SH3GL2: variants seen among roughly 807,000 people sequenced by gnomAD.
SH3GL2 encodes the protein endophilin-A1.
A neutral mutation model predicts 46.0 loss-of-function variants in SH3GL2; 24 were observed. The ratio of observed to expected loss-of-function variants is 0.52; its 90% CI spans 0.38 to 0.73. The LOEUF (loss-of-function observed/expected upper bound fraction) is 0.73, where lower values mean the gene tolerates loss of function less well. SH3GL2 is among the 30% of genes least tolerant of loss of function. The pLI is 0.00. For missense variants in SH3GL2, 413 were observed against 424.2 expected (o/e 0.97, Z 0.23); for synonymous variants, 196 against 147.1 (o/e 1.33, Z -2.40).
At chr9:17,721,969 G>GAGGTT (rs1221040291) in intron 1 of SH3GL2, among the ~76,000 whole-genome samples, 4 of 152,124 alleles carry the variant, frequency 2.6e-5, no homozygotes, top group Middle Eastern at 3.2e-3. Context: ...GAGGTGAGGT[G>GAGGTT]AGGTTGATAG....
chr9:17,597,439 C>A (rs1818595009), intron 1 of SH3GL2, among the ~76,000 whole-genome samples: 1 of 151,968 alleles, frequency 6.6e-6, no homozygotes, highest in Non-Finnish European at 1.5e-5. Flanking sequence ...ATCGCTTTAA[C>A]CCAGGAGGTG....
At chr9:17,726,121 G>A (rs1822014471) in intron 1 of SH3GL2, among the ~76,000 whole-genome samples, 1 of 152,084 alleles carries the variant, frequency 6.6e-6, no homozygotes, top group South Asian at 2.1e-4. Context: ...TGTTTCTTTA[G>A]TTTGTTTTAA....
At chr9:17,652,828 G>A (rs1819986986) in intron 1 of SH3GL2, among the ~76,000 whole-genome samples, 1 of 152,158 alleles carries the variant, frequency 6.6e-6, no homozygotes, top group African/African-American at 2.4e-5. Context: ...AGTTGAATTT[G>A]TTATTCTAGT....
intron 1 of SH3GL2, among the ~76,000 whole-genome samples, chr9:17,726,315 A>G (rs1178979260): frequency 1.3e-5 from 2 of 151,914 alleles, no homozygotes; most frequent in Non-Finnish European, 2.9e-5. Flanking sequence ...TCAGGCTGCG[A>G]CCTCTTATAT....
At chr9:17,749,208 C>T (rs1315072596) in intron 2 of SH3GL2, among the ~76,000 whole-genome samples, 1 of 152,206 alleles carries the variant, frequency 6.6e-6, no homozygotes, top group East Asian at 1.9e-4. Flanking sequence ...ACCTGATCCT[C>T]AACCAAAGCT....
chr9:17,720,337 C>T (rs1422672065), intron 1 of SH3GL2, among the ~76,000 whole-genome samples: 1 of 152,072 alleles, frequency 6.6e-6, no homozygotes, highest in Non-Finnish European at 1.5e-5. Context: ...TAACAGAGTT[C>T]GACTGAGCAA....
At chr9:17,592,795 G>C (rs571573789) in intron 1 of SH3GL2, among the ~76,000 whole-genome samples, 2 of 152,148 alleles carry the variant, frequency 1.3e-5, no homozygotes, top group African/African-American at 4.8e-5. Context: ...TCTCTGCTAC[G>C]AGATGACCAG....
At chr9:17,586,295 A>G (rs1258934417) in intron 1 of SH3GL2, among the ~76,000 whole-genome samples, 1 of 152,210 alleles carries the variant, frequency 6.6e-6, no homozygotes, top group Non-Finnish European at 1.5e-5. Flanking sequence ...CTCGTGAAGA[A>G]CCCACAGCTC....
rs927493126 is a variant in SH3GL2 at position 17,755,797 on chromosome 9, A to G, written c.115-5640A>G. The stretch of plus-strand genomic sequence containing the variant: ...CGCTGTTCACGAGTCCTTACACCTA[A>G]GTTCAGGAAATACCAACTTTTCTTC... On this transcript the variant is annotated intron_variant, in intron 2 of 8. Coordinates refer to ENST00000380607, the MANE Select transcript of SH3GL2 (RefSeq NM_003026.5). 28 of 984,614 alleles carry G rather than the reference A, an allele frequency of 2.8e-5. No individual in the cohort carries two copies. In the African/African-American group the frequency reaches 4.0e-4, roughly 14 times the overall value. 61.0% of individuals were successfully genotyped at this position (984,614 alleles called of 1,614,324 possible). A position where few individuals can be genotyped will look rare whatever the true frequency, so the allele number is the denominator to read the frequency against.
In SH3GL2 at chr9:17,797,083, A is replaced by T. The variant is rs964860485; in HGVS notation, c.*1340A>T. On this transcript the variant is annotated 3_prime_UTR_variant, in exon 9 of 9. Coordinates refer to ENST00000380607, the MANE Select transcript of SH3GL2 (RefSeq NM_003026.5). ...TGCTTAATGTATAAACTCTCACCAC[A>T]GGAAGCATCGCTGTTTCCAATAAAT... 1 of 152,660 alleles carries T rather than the reference A, an allele frequency of 6.6e-6. No homozygotes were observed. The highest frequency in any genetic ancestry group is 1.5e-5 in the Non-Finnish European group (1 of 68,040). The allele number at this position is 152,660 out of a possible 1,614,324, so 9.5% of individuals were successfully genotyped here.
chr9:17,608,147 CT>C lies in SH3GL2; in HGVS notation c.45+28878del, dbSNP rs58474566. 3.5e-3 allele frequency among the ~76,000 whole-genome samples: 418 copies of C among 120,324 alleles called. 7 individuals carry two copies. In the East Asian group the frequency reaches 0.075, roughly 22 times the overall value. 78.9% of individuals were successfully genotyped at this position (120,324 alleles called of 152,430 possible). The stretch of plus-strand genomic sequence containing the variant: ...GAATTTAGAATTTGTAAGCTTTCCT[CT>C]TTTTTTTTTTTTTTTTTGAGATGGA... On this transcript the variant is annotated intron_variant, in intron 1 of 8. Coordinates refer to ENST00000380607, the MANE Select transcript of SH3GL2 (RefSeq NM_003026.5).
At chr9:17,775,693 G>A (rs974862316) in intron 3 of SH3GL2, among the ~76,000 whole-genome samples, 1 of 152,134 alleles carries the variant, frequency 6.6e-6, no homozygotes. Flanking sequence ...GATGACAAAG[G>A]AATTAGGTCA....
intron 1 of SH3GL2, among the ~76,000 whole-genome samples, chr9:17,731,311 G>A (rs993726437): frequency 5.9e-5 from 9 of 152,070 alleles, no homozygotes; most frequent in Middle Eastern, 3.4e-3. Context: ...TGGGGCCCTT[G>A]GGAGGTGTTT....
At chr9:17,692,147 A>G (rs186954649) in intron 1 of SH3GL2, among the ~76,000 whole-genome samples, 1 of 152,236 alleles carries the variant, frequency 6.6e-6, no homozygotes, top group East Asian at 1.9e-4. Flanking sequence ...GTACATCTAT[A>G]TAGTGGAATA....
intron 1 of SH3GL2, among the ~76,000 whole-genome samples, chr9:17,660,860 T>C (rs552883564): frequency 7.9e-5 from 12 of 152,254 alleles, no homozygotes; most frequent in African/African-American, 2.9e-4. Flanking sequence ...AATTACAAAG[T>C]GGCTTAAAAT....
At chr9:17,710,044 AC>A (rs886883301) in intron 1 of SH3GL2, among the ~76,000 whole-genome samples, 1 of 151,880 alleles carries the variant, frequency 6.6e-6, no homozygotes, top group Non-Finnish European at 1.5e-5. Flanking sequence ...TCTGGGAAGG[AC>A]TTGCTATGTT....
chr9:17,743,639 C>T (rs75140441), intron 1 of SH3GL2, among the ~76,000 whole-genome samples: 2,901 of 150,890 alleles, frequency 0.019, 91 homozygotes, highest in African/African-American at 0.067. Context: ...TGATTTGACC[C>T]CGTTGTGTTA....
intron 1 of SH3GL2, among the ~76,000 whole-genome samples, chr9:17,729,851 T>A (rs1563830004): frequency 6.6e-6 from 1 of 152,230 alleles, no homozygotes; most frequent in Non-Finnish European, 1.5e-5. Flanking sequence ...CATGCTGTTT[T>A]GGTTACGGTA....
chr9:17,743,597 CA>C (rs879677155), intron 1 of SH3GL2, among the ~76,000 whole-genome samples: 19 of 151,824 alleles, frequency 1.3e-4, no homozygotes, highest in South Asian at 1.3e-3. Flanking sequence ...CACACACACA[CA>C]CACCCCAAAT....
Sources: allele counts gnomAD v4.1 joint callset (sites outside exome capture counted in the v4.1 genomes callset), GRCh38; gene constraint gnomAD v4.1.1; transcripts MANE v1.5; gene names NCBI Gene and HGNC (gene_info 2026-07-23, HGNC 2026-07-21).